CTNNA3: variants seen among roughly 807,000 people sequenced by gnomAD.
CTNNA3 encodes the protein catenin alpha 3, also known as catenin alpha-3.
A neutral mutation model predicts 95.7 loss-of-function variants in CTNNA3; 76 were observed. The observed-to-expected ratio is 0.79, with a 90% confidence interval of 0.66 to 0.96. The LOEUF (loss-of-function observed/expected upper bound fraction) is 0.96, where lower values mean the gene tolerates loss of function less well. CTNNA3 is among the 40% of genes least tolerant of loss of function. The pLI is 0.00. For missense variants in CTNNA3, 1,191 were observed against 1,089.8 expected, an observed-to-expected ratio of 1.09 and a Z score of -1.31; for synonymous variants, 431 against 374.4, an observed-to-expected ratio of 1.15 and a Z score of -1.74.
At chr10:67,376,651 T>C (rs1318959869) in intron 5 of CTNNA3, among the ~76,000 whole-genome samples, 12 of 152,226 alleles carry the variant, frequency 7.9e-5, no homozygotes, top group Non-Finnish European at 1.5e-4. Context: ...ATGCTATGGT[T>C]AGATATTAAG....
chr10:65,925,842 G>A (rs76232868), intron 17 of CTNNA3, among the ~76,000 whole-genome samples: 3 of 151,858 alleles, frequency 2.0e-5, no homozygotes, highest in South Asian at 2.1e-4. Context: ...CTTATTAAAA[G>A]GTTATCTATT....
intron 13 of CTNNA3, among the ~76,000 whole-genome samples, chr10:66,199,776 TA>T (rs2087212845): frequency 7.6e-4 from 6 of 7,880 alleles, no homozygotes; most frequent in African/African-American, 2.5e-3. Context: ...TATATATATA[TA>T]TATATATATA....
At chr10:67,587,843 T>C (rs899867125) in intron 3 of CTNNA3, among the ~76,000 whole-genome samples, 1 of 152,198 alleles carries the variant, frequency 6.6e-6, no homozygotes, top group African/African-American at 2.4e-5. Flanking sequence ...ACCAATAATT[T>C]GTAAATTCAG....
At chr10:67,399,732 T>C (rs1844848953) in intron 5 of CTNNA3, among the ~76,000 whole-genome samples, 1 of 152,208 alleles carries the variant, frequency 6.6e-6, no homozygotes, top group Non-Finnish European at 1.5e-5. Context: ...CTTACCAAAG[T>C]TTGTCTTATG....
At chr10:67,289,334 C>T (rs940390667) in intron 5 of CTNNA3, among the ~76,000 whole-genome samples, 3 of 152,078 alleles carry the variant, frequency 2.0e-5, no homozygotes, top group Non-Finnish European at 4.4e-5. Context: ...TTTTAAAGTA[C>T]ATCAAACATC....
At chr10:66,536,481 C>CAAAAAA (rs10676331) in intron 10 of CTNNA3, among the ~76,000 whole-genome samples, 1 of 116,222 alleles carries the variant, frequency 8.6e-6, no homozygotes. Flanking sequence ...GACTCTGTCT[C>CAAAAAA]AAAAAAAAAA....
intron 6 of CTNNA3, among the ~76,000 whole-genome samples, chr10:67,207,032 G>A (rs1318634490): frequency 1.3e-5 from 2 of 152,104 alleles, no homozygotes; most frequent in African/African-American, 4.8e-5. Context: ...TCAGGAGGAT[G>A]AGGCAGGAGA....
intron 5 of CTNNA3, among the ~76,000 whole-genome samples, chr10:67,458,573 G>T (rs896586646): frequency 4.6e-5 from 7 of 151,966 alleles, no homozygotes; most frequent in Non-Finnish European, 1.0e-4. Context: ...ACAGAGAAAA[G>T]GAGTCCTCTT....
intron 5 of CTNNA3, among the ~76,000 whole-genome samples, chr10:67,380,460 A>G (rs139760903): frequency 6.6e-6 from 1 of 152,228 alleles, no homozygotes; most frequent in East Asian, 1.9e-4. Flanking sequence ...TGGGTTGTGT[A>G]TAAAAGTTAA....
intron 7 of CTNNA3, among the ~76,000 whole-genome samples, chr10:67,016,329 A>G (rs1329870644): frequency 6.6e-6 from 1 of 152,156 alleles, no homozygotes; most frequent in African/African-American, 2.4e-5. Flanking sequence ...TTCTTTCCAA[A>G]TATTTTATTT....
intron 10 of CTNNA3, among the ~76,000 whole-genome samples, chr10:66,616,066 G>A (rs933357934): frequency 6.6e-6 from 1 of 151,990 alleles, no homozygotes; most frequent in Non-Finnish European, 1.5e-5. Context: ...ACCAGGTTGA[G>A]TATAACTGTT....
chr10:66,623,587 T>C (rs2132322948), intron 9 of CTNNA3, among the ~76,000 whole-genome samples: 1 of 152,146 alleles, frequency 6.6e-6, no homozygotes, highest in African/African-American at 2.4e-5. Flanking sequence ...CAACTGAAAG[T>C]TGTGTTTTCT....
intron 5 of CTNNA3, among the ~76,000 whole-genome samples, chr10:67,463,054 C>T (rs1847445655): frequency 6.6e-6 from 1 of 151,720 alleles, no homozygotes; most frequent in Non-Finnish European, 1.5e-5. Context: ...CAGGTGTGTA[C>T]CACCACACCC....
At chr10:67,420,871 G>A (rs1444253408) in intron 5 of CTNNA3, among the ~76,000 whole-genome samples, 1 of 152,094 alleles carries the variant, frequency 6.6e-6, no homozygotes, top group Admixed American at 6.6e-5. Flanking sequence ...GGGTTAATGA[G>A]TCTCAGTTGA....
chr10:67,216,671 G>C (rs1864380802), intron 6 of CTNNA3, among the ~76,000 whole-genome samples: 1 of 152,018 alleles, frequency 6.6e-6, no homozygotes, highest in Non-Finnish European at 1.5e-5. Context: ...GAATATGACA[G>C]CTCTCTAAAA....
intron 6 of CTNNA3, among the ~76,000 whole-genome samples, chr10:67,186,801 A>G (rs1280963435): frequency 6.6e-6 from 1 of 152,172 alleles, no homozygotes; most frequent in East Asian, 1.9e-4. Flanking sequence ...GTTCCACTCA[A>G]TGTATACTTA....
At chr10:67,197,877 T>C (rs1863450201) in intron 6 of CTNNA3, among the ~76,000 whole-genome samples, 1 of 152,146 alleles carries the variant, frequency 6.6e-6, no homozygotes, top group Non-Finnish European at 1.5e-5. Context: ...AGCCTATAAG[T>C]GCCACAAAAT....
chr10:66,452,410 G>A (rs923887725), intron 11 of CTNNA3, among the ~76,000 whole-genome samples: 10 of 152,024 alleles, frequency 6.6e-5, no homozygotes, highest in African/African-American at 2.4e-4. Flanking sequence ...TTATGACAGT[G>A]AAATAAATCT....
At chr10:65,987,086 C>T (rs2078443942) in intron 16 of CTNNA3, among the ~76,000 whole-genome samples, 2 of 151,802 alleles carry the variant, frequency 1.3e-5, no homozygotes, top group Admixed American at 1.3e-4. Context: ...AAATCCAAAA[C>T]TATAAAACTA....
Sources: allele counts gnomAD v4.1 joint callset (sites outside exome capture counted in the v4.1 genomes callset), GRCh38; gene constraint gnomAD v4.1.1; transcripts MANE v1.5; gene names NCBI Gene and HGNC (gene_info 2026-07-23, HGNC 2026-07-21).